The following DCC variants were observed in gnomAD, a reference collection of about 807,000 sequenced individuals.
The protein encoded by DCC is DCC netrin 1 receptor.
In DCC, 58 loss-of-function variants were observed where a neutral mutation model predicts 172.5. The observed-to-expected ratio is 0.34, with a 90% CI of 0.27 to 0.42. DCC has a LOEUF of 0.42. Among genes scored for constraint, DCC ranks in the 10% least tolerant of loss-of-function variants. DCC has a pLI of 1.00. For synonymous variants in DCC, 709 were observed against 644.5 expected (o/e 1.10, Z -1.52); for missense variants, 1,740 against 1,791.0 (o/e 0.97, Z 0.51).
chr18:52,693,503 T>G (rs986856004), intron 1 of DCC, among the ~76,000 whole-genome samples: 1 of 149,700 alleles, frequency 6.7e-6, no homozygotes, highest in East Asian at 1.9e-4. Flanking sequence ...CATAATACAA[T>G]ACAATATAAC....
chr18:52,570,303 G>A (rs1458426380), intron 1 of DCC, among the ~76,000 whole-genome samples: 3 of 152,144 alleles, frequency 2.0e-5, no homozygotes, highest in South Asian at 2.1e-4. Flanking sequence ...ATTCCCAGTG[G>A]CCTTCTTAGG....
chr18:52,641,083 T>G (rs2034882724), intron 1 of DCC, among the ~76,000 whole-genome samples: 1 of 152,176 alleles, frequency 6.6e-6, no homozygotes, highest in East Asian at 1.9e-4. Context: ...CCAACTGATC[T>G]TTGACAAAGC....
chr18:53,081,369 C>A (rs1256335860), intron 7 of DCC, among the ~76,000 whole-genome samples: 1 of 152,070 alleles, frequency 6.6e-6, no homozygotes, highest in African/African-American at 2.4e-5. Context: ...TTAAAAAAAT[C>A]TATCTTATGG....
At chr18:52,879,412 C>CCTTTTTTTTTTTTTTTTTTTTTTTTT (rs2039447955) in intron 2 of DCC, among the ~76,000 whole-genome samples, 1 of 62,326 alleles carries the variant, frequency 1.6e-5, no homozygotes, top group African/African-American at 6.9e-5. Context: ...TGTTGTTTGG[C>CCTTTTTTTTTTTTTTTTTTTTTTTTT]TTTTTTTTTT....
At chr18:53,125,954 C>A (rs1002084183) in intron 7 of DCC, among the ~76,000 whole-genome samples, 9 of 152,064 alleles carry the variant, frequency 5.9e-5, no homozygotes, top group African/African-American at 1.9e-4. Context: ...ACACACTGAA[C>A]AAGTAACTGC....
At chr18:53,010,847 C>A (rs2041719513) in intron 5 of DCC, among the ~76,000 whole-genome samples, 1 of 150,618 alleles carries the variant, frequency 6.6e-6, no homozygotes, top group African/African-American at 2.4e-5. Flanking sequence ...ATGGCCAGTC[C>A]ATTTTGGATA....
chr18:52,852,717 G>T (rs1249228536), intron 2 of DCC, among the ~76,000 whole-genome samples: 1 of 151,734 alleles, frequency 6.6e-6, no homozygotes, highest in East Asian at 1.9e-4. Context: ...TGCTTAGATG[G>T]GCATTTGTTG....
chr18:52,802,275 A>G (rs775542341), intron 2 of DCC, among the ~76,000 whole-genome samples: 91 of 152,110 alleles, frequency 6.0e-4, no homozygotes, highest in Admixed American at 6.5e-4. Context: ...CTACCGTTTA[A>G]TATTGCTATT....
intron 1 of DCC, among the ~76,000 whole-genome samples, chr18:52,434,008 C>A (rs761250865): frequency 1.3e-5 from 2 of 152,148 alleles, no homozygotes; most frequent in Admixed American, 6.6e-5. Context: ...AGCAGTAGTT[C>A]CTAATCAAAT....
chr18:52,947,706 T>C (rs150792816), intron 5 of DCC, among the ~76,000 whole-genome samples: 3 of 152,326 alleles, frequency 2.0e-5, no homozygotes, highest in East Asian at 1.9e-4. Context: ...CTACCTCTTA[T>C]GGAAGGGGCC....
intron 22 of DCC, among the ~76,000 whole-genome samples, chr18:53,439,956 G>A (rs531088535): frequency 1.3e-5 from 2 of 150,906 alleles, no homozygotes; most frequent in South Asian, 2.1e-4. Context: ...TAGTAGAGAC[G>A]GGGTTTCACC....
intron 25 of DCC, chr18:53,481,076 A>G (rs2045826110): frequency 6.6e-6 from 1 of 152,268 alleles, no homozygotes; most frequent in Non-Finnish European, 1.5e-5. Context: ...TGAGTGATCT[A>G]AAATAGAGAA....
At chr18:53,305,156 A>G (rs1236103407) in intron 12 of DCC, among the ~76,000 whole-genome samples, 1 of 152,156 alleles carries the variant, frequency 6.6e-6, no homozygotes, top group Admixed American at 6.5e-5. Flanking sequence ...CTTTTTCTTT[A>G]TAAATTACCC....
intron 1 of DCC, among the ~76,000 whole-genome samples, chr18:52,401,485 G>A (rs1986439260): frequency 6.6e-6 from 1 of 152,020 alleles, no homozygotes; most frequent in African/African-American, 2.4e-5. Context: ...TGGCAATGCA[G>A]AGAAACCACA....
intron 5 of DCC, among the ~76,000 whole-genome samples, chr18:53,019,153 C>T (rs767761501): frequency 1.4e-4 from 21 of 152,146 alleles, no homozygotes; most frequent in Non-Finnish European, 2.6e-4. Context: ...TAGCTGAGAG[C>T]TTTCACGTAA....
rs143813587 is a variant in DCC at position 52,908,108 on chromosome 18, A to G, written c.697+1780A>G. On this transcript the variant is annotated intron_variant, in intron 3 of 28. Coordinates refer to ENST00000442544, the MANE Select transcript of DCC (RefSeq NM_005215.4). ...GAACTGACTACATCTCAAAGTATGG[A>G]TGTTGGCTTCGGTCTCTGCGCTCTT... Among the ~76,000 whole-genome samples, 361 of 152,332 alleles carry G rather than the reference A, an allele frequency of 2.4e-3. 3 individuals are homozygous for G. Among genetic ancestry groups the G allele is most frequent in the African/African-American group, 8.2e-3 (339 of 41,578 alleles).
chr18:53,230,551 A>T (rs538313384), intron 12 of DCC, among the ~76,000 whole-genome samples: 5 of 152,042 alleles, frequency 3.3e-5, no homozygotes, highest in African/African-American at 9.7e-5. Flanking sequence ...TTATGTAACT[A>T]TTGTTTAAAA....
intron 8 of DCC, among the ~76,000 whole-genome samples, chr18:53,164,667 A>T (rs1386468140): frequency 6.6e-6 from 1 of 152,166 alleles, no homozygotes; most frequent in Non-Finnish European, 1.5e-5. Context: ...CATGAAGTTA[A>T]ATAAAAGCAC....
intron 1 of DCC, among the ~76,000 whole-genome samples, chr18:52,366,992 C>T (rs976862179): frequency 5.3e-5 from 8 of 152,200 alleles, no homozygotes; most frequent in African/African-American, 1.9e-4. Context: ...GCACAGGAGC[C>T]CATGGAGTGG....
Sources: allele counts gnomAD v4.1 joint callset (sites outside exome capture counted in the v4.1 genomes callset), GRCh38; gene constraint gnomAD v4.1.1; transcripts MANE v1.5; gene names NCBI Gene and HGNC (gene_info 2026-07-23, HGNC 2026-07-21).